The following OSBPL10 variants were observed in gnomAD, a reference collection of about 807,000 sequenced individuals.
OSBPL10 encodes oxysterol-binding protein-related protein 10.
Under a neutral mutation model 81.7 loss-of-function variants are expected in OSBPL10, and 49 were observed. The ratio of observed to expected loss-of-function variants is 0.60; its 90% CI spans 0.48 to 0.76. The LOEUF (loss-of-function observed/expected upper bound fraction) is 0.76. OSBPL10 is among the 30% of genes least tolerant of loss of function. The pLI is 0.00. For missense variants in OSBPL10, 923 were observed against 987.8 expected (o/e 0.93, Z 0.88); for synonymous variants, 419 against 383.6 (o/e 1.09, Z -1.08).
At chr3:31,961,046 CCTTTT>C (rs1423624930) in intron 1 of OSBPL10, among the ~76,000 whole-genome samples, 6 of 102,436 alleles carry the variant, frequency 5.9e-5, no homozygotes, top group Admixed American at 1.4e-4. Context: ...GAAGCTACAG[CCTTTT>C]TTTTTTTTTT....
At chr3:31,786,724 A>AAT (rs1177996410) in intron 4 of OSBPL10, among the ~76,000 whole-genome samples, 13 of 152,070 alleles carry the variant, frequency 8.5e-5, no homozygotes, top group Non-Finnish European at 1.6e-4. Flanking sequence ...CACAGGTGAA[A>AAT]ATATATATAT....
intron 4 of OSBPL10, among the ~76,000 whole-genome samples, chr3:31,814,838 T>A (rs756583984): frequency 6.6e-6 from 1 of 152,228 alleles, no homozygotes; most frequent in Non-Finnish European, 1.5e-5. Context: ...GCTACATTCA[T>A]ATACCTAAGG....
Position 31,668,615 on chromosome 3 carries a change from G to A in OSBPL10, c.2096+27C>T, listed in dbSNP as rs1003833597. On this transcript the variant is annotated intron_variant, in intron 10 of 11. Transcript: ENST00000396556. ...TCAGGTGCCCAGCATGACTAAGCTG[G>A]AGAGGAAGACACAGCCCGGTTCTCA... 4 of 1,579,984 alleles carry A rather than the reference G, an allele frequency of 2.5e-6. No individual in the cohort carries two copies. The African/African-American group carries it at 5.4e-5, about 21-fold the overall frequency.
chr3:31,784,221 G>A (rs552583084), intron 4 of OSBPL10, among the ~76,000 whole-genome samples: 16 of 151,966 alleles, frequency 1.1e-4, no homozygotes, highest in Non-Finnish European at 2.1e-4. Context: ...AACTAGCCAG[G>A]TGTGGTGGTA....
chr3:31,850,498 T>C (rs572402734), intron 3 of OSBPL10, among the ~76,000 whole-genome samples: 1 of 152,084 alleles, frequency 6.6e-6, no homozygotes, highest in Non-Finnish European at 1.5e-5. Context: ...CTTTGGAGAA[T>C]AGAGTGGAGG....
At chr3:31,854,700 C>T (rs768745117) in intron 3 of OSBPL10, among the ~76,000 whole-genome samples, 2 of 152,102 alleles carry the variant, frequency 1.3e-5, no homozygotes, top group Non-Finnish European at 1.5e-5. Context: ...ACATTTTACC[C>T]CATTTGTTTT....
chr3:31,683,902 T>C lies in OSBPL10; in HGVS notation c.1458A>G (p.Thr486=), dbSNP rs773755630. 3 of 1,614,106 alleles carry C rather than the reference T, an allele frequency of 1.9e-6. No homozygotes were observed. Among genetic ancestry groups the C allele is most frequent in the Non-Finnish European group, 1.7e-6 (2 of 1,180,048 alleles). ...KKPYNPIIGE[T]FHCSWEVPKD... is the part of the protein sequence containing the mutation. ...TGGGAACTTCCCAGGAGCAGTGAAATGTCTCGCCTATGATGGGGTTGTAGG... is the reference window on the plus strand; with the variant it reads ...TGGGAACTTCCCAGGAGCAGTGAAACGTCTCGCCTATGATGGGGTTGTAGG... The change falls in exon 8 of 12, where the codon ACA becomes ACG. Residue 486 remains threonine, a synonymous_variant. Coordinates refer to ENST00000396556, the MANE Select transcript of OSBPL10 (RefSeq NM_017784.5).
intron 1 of OSBPL10, 88 bp downstream of exon 1, chr3:31,980,805 GCACACA>G: frequency 7.4e-7 from 1 of 1,348,798 alleles, no homozygotes; most frequent in Admixed American, 3.4e-5. Flanking sequence ...AATCGCGCGC[GCACACA>G]CATACACAGA....
chr3:31,682,184 C>G (rs1262566137), intron 8 of OSBPL10, among the ~76,000 whole-genome samples: 2 of 152,192 alleles, frequency 1.3e-5, no homozygotes, highest in Non-Finnish European at 2.9e-5. Flanking sequence ...TTCTCACAAC[C>G]TCCTCCCTAG....
At position 31,748,135 on chromosome 3, in the gene OSBPL10, G is replaced by C; in HGVS notation, c.730-15C>G. The C allele has an allele frequency of 1.2e-6, 2 of 1,601,606 alleles. No homozygotes were observed. The highest frequency in any genetic ancestry group is 2.2e-5 in the South Asian group (2 of 89,796). On this transcript the variant is annotated splice_polypyrimidine_tract_variant and intron_variant, in intron 4 of 11. Transcript: ENST00000396556. ...TGGTTCATCATCTACAAAACAAGAA[G>C]ACAGTAAGGAGGTGAGGGGCGGAAG...
At chr3:31,680,117 A>G (rs1253176180) in intron 8 of OSBPL10, among the ~76,000 whole-genome samples, 1 of 152,142 alleles carries the variant, frequency 6.6e-6, no homozygotes, top group Non-Finnish European at 1.5e-5. Context: ...CAGGAGAACA[A>G]GCAGTCACTG....
At chr3:31,926,891 C>T (rs767486365) in intron 1 of OSBPL10, among the ~76,000 whole-genome samples, 1 of 152,174 alleles carries the variant, frequency 6.6e-6, no homozygotes, top group Non-Finnish European at 1.5e-5. Context: ...AGGTGGATCA[C>T]TTGAAGTCAG....
intron 3 of OSBPL10, among the ~76,000 whole-genome samples, chr3:31,866,559 C>T (rs866910417): frequency 1.4e-4 from 21 of 152,330 alleles, no homozygotes; most frequent in Non-Finnish European, 2.4e-4. Flanking sequence ...CTGTCCAATG[C>T]TCTAACATGC....
At chr3:31,900,652 T>C (rs1275213339) in intron 1 of OSBPL10, among the ~76,000 whole-genome samples, 1 of 152,258 alleles carries the variant, frequency 6.6e-6, no homozygotes, top group Non-Finnish European at 1.5e-5. Flanking sequence ...TAGATATTTA[T>C]TTTGTACTTT....
chr3:31,666,822 AATG>A (rs1198501864), intron 10 of OSBPL10, among the ~76,000 whole-genome samples: 1 of 152,216 alleles, frequency 6.6e-6, no homozygotes, highest in African/African-American at 2.4e-5. Context: ...AAGTTATGTG[AATG>A]TATTCTCTCT....
At chr3:32,003,776 A>G (rs1699176498) in intron 2 of OSBPL10, among the ~76,000 whole-genome samples, 1 of 152,094 alleles carries the variant, frequency 6.6e-6, no homozygotes, top group African/African-American at 2.4e-5. Flanking sequence ...CACTGAGGGC[A>G]CCTCTCTCTG....
chr3:31,785,623 A>C (rs1281001685), intron 4 of OSBPL10, among the ~76,000 whole-genome samples: 1 of 151,386 alleles, frequency 6.6e-6, no homozygotes, highest in Non-Finnish European at 1.5e-5. Flanking sequence ...CAAACCACCG[A>C]CCTCTCTGAG....
At chr3:31,849,228 G>A (rs1043323860) in intron 3 of OSBPL10, among the ~76,000 whole-genome samples, 1 of 152,228 alleles carries the variant, frequency 6.6e-6, no homozygotes, top group African/African-American at 2.4e-5. Context: ...GCCCAGATAA[G>A]AAGAAATGTC....
intron 3 of OSBPL10, among the ~76,000 whole-genome samples, chr3:31,853,836 G>A (rs550921685): frequency 6.3e-4 from 96 of 152,328 alleles, no homozygotes; most frequent in African/African-American, 2.3e-3. Flanking sequence ...GCCCAGTCCA[G>A]TGGTGCTGGA....
Sources: gnomAD v4.1 joint callset for allele counts (sites outside exome capture counted in the v4.1 genomes callset) on GRCh38, gnomAD v4.1.1 for gene constraint, MANE v1.5 for transcripts, NCBI Gene and HGNC (gene_info 2026-07-23, HGNC 2026-07-21) for gene names.